Variants in TNXB observed in about 807,000 individuals in gnomAD.
TNXB encodes the protein tenascin XB.
A neutral mutation model predicts 340.5 loss-of-function variants in TNXB; 183 were observed. That is an observed-to-expected ratio of 0.54 (90% confidence interval 0.48 to 0.61). TNXB has a LOEUF of 0.61. TNXB is among the 20% of genes least tolerant of loss of function. The pLI is 0.00. For synonymous variants in TNXB, 2,121 were observed against 2,314.5 expected (o/e 0.92, Z 2.40); for missense variants, 4,613 against 5,446.4 (o/e 0.85, Z 4.82).
At position 32,067,995 on chromosome 6, in the gene TNXB, G is replaced by A; in HGVS notation, c.6221-11C>T. 3.7e-6 allele frequency: 6 copies of A among 1,608,418 alleles called. No individual in the cohort carries two copies. The highest frequency in any genetic ancestry group is 1.7e-5 in the Admixed American group (1 of 59,870). ...TCTCTTCCTCTGCAGCTGAGAAGGA[G>A]GAAGAGAGAGTGAGGGGGATGTCCT... On this transcript the variant is annotated splice_polypyrimidine_tract_variant and intron_variant, in intron 17 of 43. Transcript: ENST00000644971. This position sits in a 1 kb window ranked among gnomAD's most constrained non-coding sequence, Gnocchi z 4.2.
Position 32,089,099 on chromosome 6 carries a change from T to C in TNXB, c.2516-51A>G. ...AGGTGGGTGTCTGGTTCTTCAATCA[T>C]CATCTTTCCTTCCAAGAGCCTAGCC... On this transcript the variant is annotated intron_variant, in intron 5 of 43. Coordinates refer to ENST00000644971, the MANE Select transcript of TNXB (RefSeq NM_001365276.2). This position sits in a 1 kb window ranked among gnomAD's most constrained non-coding sequence, Gnocchi z 6.2. 6.3e-7 allele frequency: 1 copy of C among 1,591,870 alleles called. No homozygotes were observed. The highest frequency in any genetic ancestry group is 8.6e-7 in the Non-Finnish European group (1 of 1,167,326).
chr6:32,070,227 G>C lies in TNXB; in HGVS notation c.5178C>G (p.Val1726=). 1 of 1,612,898 alleles carries C rather than the reference G, an allele frequency of 6.2e-7. No individual in the cohort carries two copies. Among genetic ancestry groups the C allele is most frequent in the Non-Finnish European group, 8.5e-7 (1 of 1,179,516 alleles). The change falls in exon 14 of 44, where the codon GTC becomes GTG. Residue 1726 remains valine, a synonymous_variant. Coordinates refer to ENST00000644971, the MANE Select transcript of TNXB (RefSeq NM_001365276.2). This position sits in a 1 kb window ranked among gnomAD's most constrained non-coding sequence, Gnocchi z 6.0. The part of the protein sequence containing the change: ...VVPVEGHERS[V]TVTPLDAGRK... ...GGCCGGCATCCAGAGGGGTGACAGT[G>C]ACAGAGCGCTCATGGCCCTCCACGG...
At position 32,096,332 on chromosome 6, in the gene TNXB, G is replaced by A; in HGVS notation, c.1521C>T (p.Cys507=). The A allele has an allele frequency of 6.5e-7, 1 of 1,548,150 alleles. No individual in the cohort carries two copies. ...GGTTGCACACGCAGCGGCCATCCAC[G>A]CAGCGCCCGCGCCCGCGACAGTCGC... ...CPGDCRGRGR[C]VDGRCVCNPG... Residue 507 remains cysteine (C), a synonymous_variant, in exon 3 of 44, where the codon TGC becomes TGT. Transcript: ENST00000644971.
chr6:32,059,487 G>T (rs553215515), intron 21 of TNXB, among the ~76,000 whole-genome samples: 2 of 150,744 alleles, frequency 1.3e-5, no homozygotes, highest in Admixed American at 1.3e-4. Flanking sequence ...ATAGAGTGTG[G>T]GGTGGGGGTG....
In TNXB at chr6:32,067,758, G is replaced by A. The variant is rs755560129; in HGVS notation, c.6447C>T (p.Thr2149=). Residue 2149 remains threonine, a synonymous_variant, in exon 18 of 44, where the codon ACC becomes ACT. Coordinates refer to ENST00000644971, the MANE Select transcript of TNXB (RefSeq NM_001365276.2). The surrounding 1 kb of genome is among the most constrained non-coding windows in gnomAD (Gnocchi z 4.2). ...VRVGGEESEV[T]VGGLEPGRKY... ...TGCGCCCAGGCTCCAGGCCCCCCAC[G>A]GTGACTTCACTCTCCTCGCCCCCAA... is the stretch of plus-strand genomic sequence containing the variant. The A allele has an allele frequency of 4.3e-6, 7 of 1,613,594 alleles. No homozygotes were observed. Among genetic ancestry groups the A allele is most frequent in the African/African-American group, 4.0e-5 (3 of 74,884 alleles).
In TNXB at chr6:32,061,568, A is replaced by T; in HGVS notation, c.7321T>A (p.Phe2441Ile). Residue 2441 changes from phenylalanine to isoleucine, a missense_variant, in exon 21 of 44, where the codon TTC becomes ATC. Coordinates refer to ENST00000644971, the MANE Select transcript of TNXB (RefSeq NM_001365276.2). The surrounding 1 kb of genome is among the most constrained non-coding windows in gnomAD (Gnocchi z 4.4). ...WTVPQGRFDSFTVQYKDRDGR... is the reference protein window; with the variant it reads ...WTVPQGRFDSITVQYKDRDGR... ...TCCCTGTCCTTGTACTGCACGGTGA[A>T]GGAGTCGAAGCGGCCCTGGGGGACG... The T allele has an allele frequency of 6.2e-7, 1 of 1,613,374 alleles. No homozygotes were observed. Among genetic ancestry groups the T allele is most frequent in the Non-Finnish European group, 8.5e-7 (1 of 1,179,880 alleles).
Position 32,083,271 on chromosome 6 carries a change from C to T in TNXB, c.3446-945G>A, listed in dbSNP as rs939276673. Among the ~76,000 whole-genome samples the T allele has an allele frequency of 3.9e-5, 6 of 152,154 alleles. No individual in the cohort carries two copies. The highest frequency in any genetic ancestry group is 1.3e-4 in the Admixed American group (2 of 15,274). ...CTGTGGGCTCTTCTTCCTCTGCCTC[C>T]GCTGTGAGTGTAGGCTGTCGACAGG... On this transcript the variant is annotated intron_variant, in intron 8 of 43. Coordinates refer to ENST00000644971, the MANE Select transcript of TNXB (RefSeq NM_001365276.2). The surrounding 1 kb of genome is among the most constrained non-coding windows in gnomAD (Gnocchi z 4.6).
rs1777034522 is a variant in TNXB at position 32,048,383 on chromosome 6, A to T, written c.10025T>A (p.Val3342Asp). Residue 3342 changes from valine (V) to aspartate (D), a missense_variant, in exon 29 of 44, where the codon GTC becomes GAC. Val to Asp is a radical substitution (Grantham distance 152). Around this residue, in one of 7 missense-constraint regions of TNXB, gnomAD observed 4,327 missense variants for 4,859.4 expected, o/e 0.89. Coordinates refer to ENST00000644971, the MANE Select transcript of TNXB (RefSeq NM_001365276.2). ...CTCACCGGTCCTGGCCTCCACAGGG[A>T]CTGGGCCGTGGCGTTTCCCATTCTG... Reference protein sequence around the residue: ...GLQNGKRHGPVPVEARTAPDT... With the variant: ...GLQNGKRHGPDPVEARTAPDT... The T allele has an allele frequency of 5.9e-6, 9 of 1,518,962 alleles. No individual in the cohort carries two copies. The highest frequency in any genetic ancestry group is 1.4e-5 in the African/African-American group (1 of 72,808). The allele number at this position is 1,518,962 out of a possible 1,614,324, so 94.1% of individuals were successfully genotyped here. A position where few individuals can be genotyped will look rare whatever the true frequency, so the allele number is the denominator to read the frequency against.
Position 32,069,087 on chromosome 6 carries a change from C to A in TNXB, c.5637G>T (p.Ala1879=), listed in dbSNP as rs765915397. The A allele has an allele frequency of 2.5e-6, 4 of 1,612,486 alleles. No homozygotes were observed. In the East Asian group the frequency reaches 8.9e-5, roughly 36 times the overall value. ...TCAACTCCCCGAGGTGGGGCTCAGG[C>A]GCTGGAGGGGTCGGGGCCGTGGTCT... ...ETETTAPTPP[A]PEPHLGELTV... Residue 1879 remains alanine, a synonymous_variant, in exon 16 of 44, where the codon GCG becomes GCT. Transcript: ENST00000644971. This position sits in a 1 kb window ranked among gnomAD's most constrained non-coding sequence, Gnocchi z 6.2.
intron 23 of TNXB, 45 bp from the exon 24 acceptor site, chr6:32,056,219 G>C: frequency 6.3e-7 from 1 of 1,584,310 alleles, no homozygotes; most frequent in Non-Finnish European, 8.6e-7. Flanking sequence ...CCTGGGGGAT[G>C]TGCTCAGGTC....
chr6:32,086,435 C>G lies in TNXB; in HGVS notation c.2780-317G>C, dbSNP rs2239688. ...ATGTCCCTCCCCACATACATCCCCCCCACTGGGTGGTGGTCAGGTGGCTTC... is the reference window on the plus strand; with the variant it reads ...ATGTCCCTCCCCACATACATCCCCCGCACTGGGTGGTGGTCAGGTGGCTTC... On this transcript the variant is annotated intron_variant, in intron 6 of 43. Transcript: ENST00000644971. Among the ~76,000 whole-genome samples, 2,003 of 152,316 alleles carry G rather than the reference C, an allele frequency of 0.013. 136 individuals carry two copies. The East Asian group carries it at 0.21, about 16-fold the overall frequency.
chr6:32,064,938 C>T lies in TNXB; in HGVS notation c.6724G>A (p.Gly2242Arg), dbSNP rs1434854939. The T allele has an allele frequency of 1.2e-6, 2 of 1,612,678 alleles. No individual in the cohort carries two copies. Among genetic ancestry groups the T allele is most frequent in the Non-Finnish European group, 1.7e-6 (2 of 1,179,868 alleles). The stretch of plus-strand genomic sequence containing the variant: ...GAGATGGTGACCCCATCCTCGTGTC[C>T]CGGCACCCGCACCGCCTTGGGCTGC... Reference protein sequence around the residue: ...DGQPKAVRVPGHEDGVTISGL... With the variant: ...DGQPKAVRVPRHEDGVTISGL... Residue 2242 changes from glycine to arginine, a missense_variant, in exon 19 of 44, where the codon GGA (glycine) becomes AGA (arginine). Coordinates refer to ENST00000644971, the MANE Select transcript of TNXB (RefSeq NM_001365276.2). This position sits in a 1 kb window ranked among gnomAD's most constrained non-coding sequence, Gnocchi z 5.3.
Position 32,064,947 on chromosome 6 carries a change from G to A in TNXB, c.6715C>T (p.Arg2239Trp), listed in dbSNP as rs531109815. 1.9e-5 allele frequency: 31 copies of A among 1,612,718 alleles called. No homozygotes were observed. Among genetic ancestry groups the A allele is most frequent in the African/African-American group, 1.9e-4 (14 of 75,008 alleles). ...ACCCCATCCTCGTGTCCCGGCACCC[G>A]CACCGCCTTGGGCTGCCCGTCCCCA... ...KNGDGQPKAV[R>W]VPGHEDGVTI... is the part of the protein sequence containing the mutation. The change falls in exon 19 of 44, where the codon CGG becomes TGG. Residue 2239 changes from arginine to tryptophan, a missense_variant. Around this residue, in one of 7 missense-constraint regions of TNXB, gnomAD observed 4,327 missense variants for 4,859.4 expected, o/e 0.89. Coordinates refer to ENST00000644971, the MANE Select transcript of TNXB (RefSeq NM_001365276.2). This position sits in a 1 kb window ranked among gnomAD's most constrained non-coding sequence, Gnocchi z 5.3.
chr6:32,062,395 G>A lies in TNXB; in HGVS notation c.6930C>T (p.Thr2310=), dbSNP rs540234409. 6.8e-6 allele frequency: 11 copies of A among 1,613,254 alleles called. No homozygotes were observed. The highest frequency in any genetic ancestry group is 2.2e-5 in the East Asian group (1 of 44,878). The change falls in exon 20 of 44, where the codon ACC becomes ACT. Residue 2310 remains threonine, a synonymous_variant. Coordinates refer to ENST00000644971, the MANE Select transcript of TNXB (RefSeq NM_001365276.2). This position sits in a 1 kb window ranked among gnomAD's most constrained non-coding sequence, Gnocchi z 4.3. ...PPIKPRLEEL[T]VTDATPDSLS... ...GGGAGTCAGGGGTCGCATCTGTCAC[G>A]GTCAGCTCCTCCAGGCGAGGCTTGA...
At position 32,061,681 on chromosome 6, in the gene TNXB, A is replaced by T. The variant is rs1420235971; in HGVS notation, c.7208T>A (p.Met2403Lys). 6.2e-7 allele frequency: 1 copy of T among 1,612,534 alleles called. No homozygotes were observed. The highest frequency in any genetic ancestry group is 8.5e-7 in the Non-Finnish European group (1 of 1,179,706). Residue 2403 changes from methionine to lysine, a missense_variant, in exon 21 of 44, where the codon ATG becomes AAG. Transcript: ENST00000644971. The surrounding 1 kb of genome is among the most constrained non-coding windows in gnomAD (Gnocchi z 4.4). Reference protein sequence around the residue: ...EETPSPTEPSMEAPEPPEEPL... With the variant: ...EETPSPTEPSKEAPEPPEEPL... ...CTCCTCAGGGGGCTCCGGGGCCTCCATGCTGGGTTCTGTGGGGCTGGGGGT... is the reference window on the plus strand; with the variant it reads ...CTCCTCAGGGGGCTCCGGGGCCTCCTTGCTGGGTTCTGTGGGGCTGGGGGT...
Position 32,079,240 on chromosome 6 carries a change from G to C in TNXB, c.4168C>G (p.Leu1390Val), listed in dbSNP as rs781521699. 3.7e-6 allele frequency: 6 copies of C among 1,613,794 alleles called. No individual in the cohort carries two copies. In the South Asian group the frequency reaches 4.4e-5, roughly 12 times the overall value. Residue 1390 changes from leucine to valine, a missense_variant, in exon 11 of 44, where the codon CTC (leucine) becomes GTC (valine). Around this residue, in one of 7 missense-constraint regions of TNXB, gnomAD observed 4,327 missense variants for 4,859.4 expected, o/e 0.89. Coordinates refer to ENST00000644971, the MANE Select transcript of TNXB (RefSeq NM_001365276.2). The surrounding 1 kb of genome is among the most constrained non-coding windows in gnomAD (Gnocchi z 7.1). ...VTGSSPDSLS[L>V]FWTVPQGSFD... is the part of the protein sequence containing the mutation. ...CTGCCCTGGGGGACGGTCCAGAAGA[G>C]GCTCAGCGAATCAGGGGAGGATCCT...
In TNXB at chr6:32,068,759, A is replaced by T; in HGVS notation, c.5903-52T>A. On this transcript the variant is annotated intron_variant, in intron 16 of 43. Transcript: ENST00000644971. This position sits in a 1 kb window ranked among gnomAD's most constrained non-coding sequence, Gnocchi z 5.3. ...CTGAGGTGGGCAGGGTATCCGCGGG[A>T]CTCTGCTGTCCTCTGGACTCTCCCA... 6.3e-7 allele frequency: 1 copy of T among 1,595,426 alleles called. No homozygotes were observed. Among genetic ancestry groups the T allele is most frequent in the Non-Finnish European group, 8.6e-7 (1 of 1,169,200 alleles).
intron 19 of TNXB, among the ~76,000 whole-genome samples, chr6:32,063,759 AT>A (rs1187644263): frequency 6.6e-6 from 1 of 152,156 alleles, no homozygotes; most frequent in Non-Finnish European, 1.5e-5. Flanking sequence ...AATTCATCAC[AT>A]TTCATTTGTC....
Position 32,051,706 on chromosome 6 carries a change from C to T in TNXB, c.9115+964G>A, listed in dbSNP as rs1034164306. 6.6e-6 allele frequency among the ~76,000 whole-genome samples: 1 copy of T among 151,550 alleles called. No homozygotes were observed. The stretch of plus-strand genomic sequence containing the variant: ...CTCGCTTGAGGCCAGGAGTTTGAGA[C>T]CAGCCTGGGCAACATACCGAGACCC... On this transcript the variant is annotated intron_variant, in intron 26 of 43. Transcript: ENST00000644971. This position sits in a 1 kb window ranked among gnomAD's most constrained non-coding sequence, Gnocchi z 4.7.
Sources: gnomAD v4.1 joint callset for allele counts (sites outside exome capture counted in the v4.1 genomes callset) on GRCh38, gnomAD v4.1.1 for gene constraint, gnomAD v4.1.1 regional missense constraint, Gnocchi (gnomAD v3.1) non-coding constraint, MANE v1.5 for transcripts, NCBI Gene and HGNC (gene_info 2026-07-23, HGNC 2026-07-21) for gene names.